TTN: variants seen among roughly 807,000 people sequenced by gnomAD.
TTN encodes titin, also known as connectin.
TTN carries 1,525 observed loss-of-function variants against 3,223.0 expected under a neutral mutation model. That is an observed-to-expected ratio of 0.47 (90% CI 0.45 to 0.49). TTN has a LOEUF of 0.49. TTN is among the 20% of genes least tolerant of loss of function. The pLI is 0.00. For missense variants in TTN, 40,786 were observed against 43,424.0 expected (o/e 0.94, Z 5.40); for synonymous variants, 14,094 against 15,161.0 (o/e 0.93, Z 5.17).
At chr2:178,688,273 G>A (rs760268610) in intron 126 of TTN, 49 bp from the exon 127 acceptor site, 1 of 1,516,650 alleles carries the variant, frequency 6.6e-7, no homozygotes, top group Admixed American at 1.7e-5. Flanking sequence ...AGATACAGAT[G>A]TATATACAGC....
At chr2:178,684,181 T>G in intron 132 of TTN, 99 bp from the exon 133 acceptor site, 1 of 1,412,512 alleles carries the variant, frequency 7.1e-7, no homozygotes, top group Non-Finnish European at 9.8e-7. Context: ...CTTGACATTT[T>G]CATTATTTCA....
intron 282 of TTN, 24 bp from the exon 283 acceptor site, chr2:178,602,614 G>T (rs1374846549): frequency 3.4e-6 from 5 of 1,451,406 alleles, no homozygotes; most frequent in Non-Finnish European, 4.5e-6. Context: ...AAAAAAAAAA[G>T]CTTCATCAGA....
chr2:178,549,456 C>G lies in TTN; in HGVS notation c.92170G>C (p.Gly30724Arg), dbSNP rs370928582. 25 of 1,604,382 alleles carry G rather than the reference C, an allele frequency of 1.6e-5. No homozygotes were observed. In the African/African-American group the frequency reaches 3.1e-4, roughly 20 times the overall value. Residue 30724 changes from glycine to arginine, a missense_variant, in exon 339 of 363, where the codon GGC becomes CGC. Coordinates refer to ENST00000589042, the MANE Select transcript of TTN (RefSeq NM_001267550.2). ...GTTATGTTGCTAGGTTCTGGAATGC[C>G]AGGGGCATCAGGAACAGCTGTAAAA... is the stretch of plus-strand genomic sequence containing the variant. ...QIQYTVPDAPGIPEPSNITGN... is the reference protein window; with the variant it reads ...QIQYTVPDAPRIPEPSNITGN...
rs1057523378 is a variant in TTN at position 178,694,919 on chromosome 2, T to A, written c.31271-13A>T. The A allele has an allele frequency of 1.9e-5, 29 of 1,526,190 alleles. No individual in the cohort carries two copies. Among genetic ancestry groups the A allele is most frequent in the Non-Finnish European group, 2.5e-5 (28 of 1,127,656 alleles). 94.5% of individuals were successfully genotyped at this position (1,526,190 alleles called of 1,614,324 possible). A position where few individuals can be genotyped will look rare whatever the true frequency, so the allele number is the denominator to read the frequency against. ...GGCTTCTTTATAACTGCAAGCATTT[T>A]AGAGAAATTGCAGTACTTTTAGAAT... On this transcript the variant is annotated splice_polypyrimidine_tract_variant and intron_variant, in intron 115 of 362. Transcript: ENST00000589042.
chr2:178,782,690 C>G (rs1329042578), intron 18 of TTN, 88 bp from the exon 19 acceptor site: 13 of 1,603,608 alleles, frequency 8.1e-6, no homozygotes, highest in Non-Finnish European at 1.1e-5. Flanking sequence ...TATAATCTCC[C>G]CCCAAGTTCC....
rs2154329667 is a variant in TTN at position 178,750,037 on chromosome 2, T to C, written c.11311+3087A>G. The C allele has an allele frequency of 1.2e-6, 2 of 1,613,212 alleles. No homozygotes were observed. The highest frequency in any genetic ancestry group is 1.7e-6 in the Non-Finnish European group (2 of 1,179,474). ...CCAGCTCCTCAGTTTGAAACACTTCTTTAGACTCTTTATCCTGTTCTGGGA... is the reference window on the plus strand; with the variant it reads ...CCAGCTCCTCAGTTTGAAACACTTCCTTAGACTCTTTATCCTGTTCTGGGA... On this transcript the variant is annotated intron_variant, in intron 47 of 362. Coordinates refer to ENST00000589042, the MANE Select transcript of TTN (RefSeq NM_001267550.2).
chr2:178,639,922 G>A, intron 222 of TTN, 126 bp downstream of exon 222: 3 of 1,437,270 alleles, frequency 2.1e-6, no homozygotes, highest in Non-Finnish European at 1.9e-6. Flanking sequence ...AGTATATTAA[G>A]CATTTTGAGA....
intron 106 of TTN, among the ~76,000 whole-genome samples, chr2:178,703,207 T>G (rs1182471959): frequency 6.6e-6 from 1 of 152,020 alleles, no homozygotes; most frequent in Non-Finnish European, 1.5e-5. Flanking sequence ...ACAAACAAAG[T>G]ATGTGTGTGG....
chr2:178,780,966 T>C (rs1241823572), intron 21 of TTN, among the ~76,000 whole-genome samples, 155 bp downstream of exon 21: 1 of 152,218 alleles, frequency 6.6e-6, no homozygotes. Context: ...TGAGGCCATG[T>C]GGTCTAAAAC....
In TTN at chr2:178,531,526, T is replaced by C. The variant is rs773386284; in HGVS notation, c.105089A>G (p.Asp35030Gly). Reference protein sequence around the residue: ...KGEASDYATLDVTGGDYTTYA... With the variant: ...KGEASDYATLGVTGGDYTTYA... ...GGTGGTATAATCCCCTCCTGTCACG[T>C]CCAACGTTGCATAGTCAGAAGCTTC... The change falls in exon 358 of 363, where the codon GAC (aspartate) becomes GGC (glycine). Residue 35030 changes from aspartate (D) to glycine (G), a missense_variant. Coordinates refer to ENST00000589042, the MANE Select transcript of TTN (RefSeq NM_001267550.2). 4.3e-6 allele frequency: 7 copies of C among 1,613,844 alleles called. No individual in the cohort carries two copies. Among genetic ancestry groups the C allele is most frequent in the East Asian group, 2.2e-5 (1 of 44,900 alleles).
rs753276843 is a variant in TTN, at chr2:178,617,377, T to C, written c.47708A>G (p.Lys15903Arg). 1.0e-5 allele frequency: 16 copies of C among 1,587,634 alleles called. No individual in the cohort carries two copies. Among genetic ancestry groups the C allele is most frequent in the Non-Finnish European group, 1.3e-5 (15 of 1,170,206 alleles). The change falls in exon 254 of 363, where the codon AAA becomes AGA. Residue 15903 changes from lysine (K) to arginine (R), a missense_variant. Lys to Arg is a conservative substitution (Grantham distance 26). Transcript: ENST00000589042. ...CATATTGCAACGAATCCAATTATCT[T>C]TTCCTTCTTCGCATCGCTCAATTAT... ...GYIIERCEEGKDNWIRCNMKL... is the reference protein window; with the variant it reads ...GYIIERCEEGRDNWIRCNMKL...
rs375458724 is a variant in TTN, at chr2:178,764,866, C to T, written c.9704-55G>A. The T allele has an allele frequency of 2.6e-4, 409 of 1,598,024 alleles. 3 individuals are homozygous for T. The South Asian group carries it at 4.2e-3, about 16-fold the overall frequency. ...GAAAAAGTGTAAAAACACAAGAGAGCATGCAAAACTCTACATTAATTTGTT... is the reference window on the plus strand; with the variant it reads ...GAAAAAGTGTAAAAACACAAGAGAGTATGCAAAACTCTACATTAATTTGTT... On this transcript the variant is annotated intron_variant, in intron 41 of 362. Transcript: ENST00000589042.
rs760865833 is a variant in TTN at position 178,572,301 on chromosome 2, C to A, written c.73831G>T (p.Val24611Leu). 5.6e-6 allele frequency: 9 copies of A among 1,611,942 alleles called. No homozygotes were observed. The highest frequency in any genetic ancestry group is 5.3e-5 in the African/African-American group (4 of 75,008). ...GGAAGAGGTCGTTCTGATGCTTTCA[C>A]AGATTCTGCGGTTTCAGCAGGCAGC... Reference protein sequence around the residue: ...IGLPAETAESVKASERPLPPG... With the variant: ...IGLPAETAESLKASERPLPPG... Residue 24611 changes from valine to leucine, a missense_variant, in exon 326 of 363, where the codon GTG becomes TTG. By Grantham distance (32) the Val-to-Leu change is conservative. Coordinates refer to ENST00000589042, the MANE Select transcript of TTN (RefSeq NM_001267550.2).
At position 178,722,515 on chromosome 2, in the gene TTN, T is replaced by C. The variant is rs766130526; in HGVS notation, c.22272A>G (p.Gln7424=). Reference sequence around the variant, plus strand: ...CCACAGTTTGTTCAATGTCCTTTAATTGTCTTGCAAAAGAAGGTGGGAGTT... The same window carrying C: ...CCACAGTTTGTTCAATGTCCTTTAACTGTCTTGCAAAAGAAGGTGGGAGTT... The part of the protein sequence containing the change: ...ERQLPPSFAR[Q]LKDIEQTVGL... Residue 7424 remains glutamine, a synonymous_variant, in exon 77 of 363, where the codon CAA becomes CAG. Coordinates refer to ENST00000589042, the MANE Select transcript of TTN (RefSeq NM_001267550.2). 1.2e-6 allele frequency: 2 copies of C among 1,612,698 alleles called. No homozygotes were observed. Among genetic ancestry groups the C allele is most frequent in the Non-Finnish European group, 8.5e-7 (1 of 1,179,136 alleles).
chr2:178,552,440 G>A lies in TTN; in HGVS notation c.90460C>T (p.Pro30154Ser). ...RIGHNVHLEL[P>S]YKGKPKPSIS... The stretch of plus-strand genomic sequence containing the variant: ...GATGGTTTGGGTTTTCCCTTATAAG[G>A]TAATTCAAGGTGCACATTGTGCCCA... The change falls in exon 335 of 363, where the codon CCT becomes TCT. Residue 30154 changes from proline to serine, a missense_variant. Pro to Ser is a moderately conservative substitution (Grantham distance 74). Transcript: ENST00000589042. 1 of 1,603,088 alleles carries A rather than the reference G, an allele frequency of 6.2e-7. No individual in the cohort carries two copies. The highest frequency in any genetic ancestry group is 2.2e-5 in the East Asian group (1 of 44,568).
chr2:178,794,805 A>G, intron 7 of TTN, 117 bp downstream of exon 7: 3 of 1,397,526 alleles, frequency 2.1e-6, no homozygotes, highest in Non-Finnish European at 3.0e-6. Context: ...TTGCTGCTAT[A>G]TTTTTATGTT....
chr2:178,705,211 A>G lies in TTN; in HGVS notation c.29567T>C (p.Leu9856Pro). The G allele has an allele frequency of 6.2e-7, 1 of 1,613,722 alleles. No individual in the cohort carries two copies. Among genetic ancestry groups the G allele is most frequent in the Non-Finnish European group, 8.5e-7 (1 of 1,179,730 alleles). Residue 9856 changes from leucine to proline, a missense_variant, in exon 103 of 363, where the codon CTG becomes CCG. By Grantham distance (98) the Leu-to-Pro change is moderately conservative. Coordinates refer to ENST00000589042, the MANE Select transcript of TTN (RefSeq NM_001267550.2). ...CTCTTCTTCTTGGCTTTGCTTGAGC[A>G]GTTCAAATGCTTGAAGAAGACCTCG... The part of the protein sequence containing the change: ...DFRGLLQAFE[L>P]LKQSQEEETH...
rs561240119 is a variant in TTN, at chr2:178,725,663, G to C, written c.20555-14C>G. 15 of 1,558,958 alleles carry C rather than the reference G, an allele frequency of 9.6e-6. No homozygotes were observed. The highest frequency in any genetic ancestry group is 1.3e-5 in the Non-Finnish European group (15 of 1,152,278). On this transcript the variant is annotated splice_polypyrimidine_tract_variant and intron_variant, in intron 70 of 362. Transcript: ENST00000589042. The stretch of plus-strand genomic sequence containing the variant: ...ATCTTGGTGGTTCTGAACAGGAAAA[G>C]ATGGATGGAAATTGTTGAAAAGATT...
chr2:178,539,515 G>T lies in TTN; in HGVS notation c.98550C>A (p.Val32850=). 1 of 1,613,720 alleles carries T rather than the reference G, an allele frequency of 6.2e-7. No homozygotes were observed. Among genetic ancestry groups the T allele is most frequent in the East Asian group, 2.2e-5 (1 of 44,858 alleles). The change falls in exon 352 of 363, where the codon GTC becomes GTA. Residue 32850 remains valine, a synonymous_variant. Coordinates refer to ENST00000589042, the MANE Select transcript of TTN (RefSeq NM_001267550.2). ...CTTTTACCACCAGAGATGTACCTCG[G>T]ACTCTGGAATCAATGGTATACCAGG... is the stretch of plus-strand genomic sequence containing the variant. The part of the protein sequence containing the change: ...KAAWYTIDSR[V]RGTSLVVKGL...
Sources: gnomAD v4.1 joint callset for allele counts (sites outside exome capture counted in the v4.1 genomes callset) on GRCh38, gnomAD v4.1.1 for gene constraint, MANE v1.5 for transcripts, NCBI Gene and HGNC (gene_info 2026-07-23, HGNC 2026-07-21) for gene names.